The following TCERG1L variants were observed in gnomAD, a reference collection of about 807,000 sequenced individuals.
TCERG1L encodes transcription elongation regulator 1 like.
A neutral mutation model predicts 56.3 loss-of-function variants in TCERG1L; 37 were observed. That is an observed-to-expected ratio of 0.66 (90% CI 0.51 to 0.87). The LOEUF is 0.87. TCERG1L is among the 40% of genes least tolerant of loss of function. The probability of loss-of-function intolerance (pLI) is 0.00; values close to 1 mark genes in which losing one functional copy is unlikely to be tolerated. For synonymous variants in TCERG1L, 324 were observed against 326.3 expected, an observed-to-expected ratio of 0.99 and a Z score of 0.08; for missense variants, 799 against 774.2, an observed-to-expected ratio of 1.03 and a Z score of -0.38.
chr10:131,130,711 A>T (rs1210269297), intron 8 of TCERG1L, among the ~76,000 whole-genome samples: 1 of 152,212 alleles, frequency 6.6e-6, no homozygotes, highest in Non-Finnish European at 1.5e-5. Flanking sequence ...TATACCTCCA[A>T]GTAGTGATAC....
intron 3 of TCERG1L, among the ~76,000 whole-genome samples, chr10:131,270,082 T>C (rs1339408532): frequency 2.6e-5 from 4 of 152,286 alleles, no homozygotes; most frequent in South Asian, 2.1e-4. Context: ...GAGGTGTGGG[T>C]TGCTTTGTGT....
At chr10:131,148,321 CACAA>C (rs905186263) in intron 6 of TCERG1L, among the ~76,000 whole-genome samples, 3 of 151,900 alleles carry the variant, frequency 2.0e-5, no homozygotes, top group East Asian at 1.9e-4. Flanking sequence ...CAGAGACACA[CACAA>C]ACACACATAC....
chr10:131,208,901 G>C (rs1475685809), intron 4 of TCERG1L, among the ~76,000 whole-genome samples: 1 of 151,870 alleles, frequency 6.6e-6, no homozygotes, highest in Non-Finnish European at 1.5e-5. Context: ...ACTAAAAATA[G>C]AAAAAAATTA....
intron 4 of TCERG1L, among the ~76,000 whole-genome samples, chr10:131,171,469 G>A (rs974664457): frequency 3.3e-5 from 5 of 152,208 alleles, no homozygotes; most frequent in African/African-American, 1.2e-4. Context: ...TCAGGCCTCA[G>A]CTCAAAGGCA....
chr10:131,117,084 A>C, intron 8 of TCERG1L, 150 bp from the exon 9 acceptor site: 1 of 1,102,284 alleles, frequency 9.1e-7, no homozygotes, highest in Non-Finnish European at 1.3e-6. Flanking sequence ...TCTCCCTCGC[A>C]AAGATGGCAC....
chr10:131,138,369 C>A (rs892513620), intron 7 of TCERG1L, among the ~76,000 whole-genome samples: 2 of 152,310 alleles, frequency 1.3e-5, no homozygotes, highest in South Asian at 4.1e-4. Context: ...TCTTCAGTCA[C>A]CACACACGGT....
chr10:131,122,283 G>T (rs368105550), intron 8 of TCERG1L, among the ~76,000 whole-genome samples: 13 of 152,276 alleles, frequency 8.5e-5, no homozygotes, highest in African/African-American at 2.9e-4. Context: ...CACTAATGAG[G>T]CCACTCACTG....
rs551985146 is a variant in TCERG1L, at chr10:131,159,035, C to T, written c.1034+4087G>A. On this transcript the variant is annotated intron_variant, in intron 6 of 11. Transcript: ENST00000368642. Reference sequence around the variant, plus strand: ...TTCCCACCCACTTCCACTGCAGCCCCGAACCCCGAGCACAAGACCTTTCCC... The same window carrying T: ...TTCCCACCCACTTCCACTGCAGCCCTGAACCCCGAGCACAAGACCTTTCCC... Among the ~76,000 whole-genome samples, 170 of 152,330 alleles carry T rather than the reference C, an allele frequency of 1.1e-3. 2 individuals are homozygous for T. Among genetic ancestry groups the T allele is most frequent in the Non-Finnish European group, 1.7e-3 (114 of 68,036 alleles).
At chr10:131,200,421 T>G (rs974965240) in intron 4 of TCERG1L, among the ~76,000 whole-genome samples, 2 of 152,200 alleles carry the variant, frequency 1.3e-5, no homozygotes, top group Non-Finnish European at 2.9e-5. Context: ...TCAAAGAAGG[T>G]GATTCTCAAA....
chr10:131,174,313 C>A (rs113648943), intron 4 of TCERG1L, among the ~76,000 whole-genome samples: 1 of 152,226 alleles, frequency 6.6e-6, no homozygotes, highest in Non-Finnish European at 1.5e-5. Flanking sequence ...CACGCCCGGC[C>A]GCACAGGCTG....
chr10:131,167,584 C>A (rs1326339301), intron 4 of TCERG1L, among the ~76,000 whole-genome samples: 1 of 152,226 alleles, frequency 6.6e-6, no homozygotes, highest in African/African-American at 2.4e-5. Flanking sequence ...TGTAGGACAA[C>A]AGAACCAGCC....
At chr10:131,210,775 T>A (rs1845609105) in intron 4 of TCERG1L, among the ~76,000 whole-genome samples, 1 of 152,158 alleles carries the variant, frequency 6.6e-6, no homozygotes, top group Non-Finnish European at 1.5e-5. Context: ...TACAAACATA[T>A]TTTGCTTATT....
intron 4 of TCERG1L, among the ~76,000 whole-genome samples, chr10:131,218,778 G>A (rs1038212306): frequency 3.3e-5 from 5 of 152,176 alleles, no homozygotes; most frequent in Non-Finnish European, 5.9e-5. Flanking sequence ...ATGGAACCAC[G>A]GTGCTGGCCA....
chr10:131,269,129 T>C (rs1846312513), intron 3 of TCERG1L, among the ~76,000 whole-genome samples: 2 of 152,190 alleles, frequency 1.3e-5, no homozygotes, highest in Admixed American at 6.5e-5. Flanking sequence ...GCCACTCTTC[T>C]TTTCATTTGA....
rs528540947 is a variant in TCERG1L at position 131,236,868 on chromosome 10, C to T, written c.856+23391G>A. Among the ~76,000 whole-genome samples, 5 of 152,128 alleles carry T rather than the reference C, an allele frequency of 3.3e-5. No homozygotes were observed. The East Asian group carries it at 9.7e-4, about 30-fold the overall frequency. ...AGGTGCTTTCTGAGAATGGACCATC[C>T]ACTGTCCCCACACAAGCCACCCATT... is the stretch of plus-strand genomic sequence containing the variant. On this transcript the variant is annotated intron_variant, in intron 4 of 11. Coordinates refer to ENST00000368642, the MANE Select transcript of TCERG1L (RefSeq NM_174937.4).
intron 3 of TCERG1L, among the ~76,000 whole-genome samples, chr10:131,261,395 G>T (rs566790666): frequency 1.3e-5 from 2 of 152,320 alleles, no homozygotes; most frequent in East Asian, 3.9e-4. Context: ...CCTGTCGTGT[G>T]ACCCACCCAC....
chr10:131,286,596 T>C lies in TCERG1L; in HGVS notation c.670+21615A>G, dbSNP rs555842389. Among the ~76,000 whole-genome samples, 4 of 152,340 alleles carry C rather than the reference T, an allele frequency of 2.6e-5. No individual in the cohort carries two copies. The East Asian group carries it at 5.8e-4, about 22-fold the overall frequency. On this transcript the variant is annotated intron_variant, in intron 3 of 11. Transcript: ENST00000368642. ...CTGGAAAAAATAAAAAGCAAATCAT[T>C]TGTGTATATAAATACTATATAAGTG... is the stretch of plus-strand genomic sequence containing the variant.
intron 4 of TCERG1L, among the ~76,000 whole-genome samples, chr10:131,234,798 G>T (rs574355602): frequency 6.6e-6 from 1 of 152,172 alleles, no homozygotes. Context: ...CCGCCTCCTG[G>T]GTTCAAGTGA....
chr10:131,243,442 G>A (rs1466280038), intron 4 of TCERG1L, among the ~76,000 whole-genome samples: 1 of 152,138 alleles, frequency 6.6e-6, no homozygotes, highest in African/African-American at 2.4e-5. Context: ...TTAGCTCGGT[G>A]TAGTGGTATG....
Sources: gnomAD v4.1 joint callset for allele counts (sites outside exome capture counted in the v4.1 genomes callset) on GRCh38, gnomAD v4.1.1 for gene constraint, MANE v1.5 for transcripts, NCBI Gene and HGNC (gene_info 2026-07-23, HGNC 2026-07-21) for gene names.